The following ATP6V1G2 variants were observed in gnomAD, a reference collection of about 807,000 sequenced individuals.
The protein encoded by ATP6V1G2 is V-type proton ATPase subunit G 2.
A neutral mutation model predicts 17.8 loss-of-function variants in ATP6V1G2; 14 were observed. That is an observed-to-expected ratio of 0.79 (90% CI 0.52 to 1.23). The LOEUF (loss-of-function observed/expected upper bound fraction) is 1.23, where lower values mean the gene tolerates loss of function less well. Ranked by LOEUF, ATP6V1G2 falls within the 50% of genes most tolerant of loss-of-function variation. The pLI is 0.00. For missense variants in ATP6V1G2, 112 were observed against 152.2 expected, an observed-to-expected ratio of 0.74 and a Z score of 1.39; for synonymous variants, 57 against 54.8, an observed-to-expected ratio of 1.04 and a Z score of -0.17.
chr6:31,545,999 A>G lies in ATP6V1G2; in HGVS notation c.183+110T>C. 1 of 1,083,390 alleles carries G rather than the reference A, an allele frequency of 9.2e-7. No individual in the cohort carries two copies. The highest frequency in any genetic ancestry group is 1.4e-6 in the Non-Finnish European group (1 of 704,084). 67.1% of individuals were successfully genotyped at this position (1,083,390 alleles called of 1,614,324 possible). A position where few individuals can be genotyped will look rare whatever the true frequency, so the allele number is the denominator to read the frequency against. On this transcript the variant is annotated intron_variant, in intron 2 of 2. Transcript: ENST00000303892. The surrounding 1 kb of genome is among the most constrained non-coding windows in gnomAD (Gnocchi z 4.9). ...TTGTGGTCCCTGCCAGGGTCCCCTC[A>G]GCCTCAGCCCTCTGCCACCATATTT...
Position 31,546,288 on chromosome 6 carries a change from G to T in ATP6V1G2, c.83-79C>A. On this transcript the variant is annotated intron_variant, in intron 1 of 2. Coordinates refer to ENST00000303892, the MANE Select transcript of ATP6V1G2 (RefSeq NM_130463.4). This position sits in a 1 kb window ranked among gnomAD's most constrained non-coding sequence, Gnocchi z 4.1. ...TAATAGCAGGAGTCAGTCCCTTCCA[G>T]AAAGTTATACAGCCTTCTCTCAGCC... 2 of 1,441,012 alleles carry T rather than the reference G, an allele frequency of 1.4e-6. No homozygotes were observed. The highest frequency in any genetic ancestry group is 9.7e-7 in the Non-Finnish European group (1 of 1,028,764). 89.3% of individuals were successfully genotyped at this position (1,441,012 alleles called of 1,614,324 possible). A position where few individuals can be genotyped will look rare whatever the true frequency, so the allele number is the denominator to read the frequency against.
In ATP6V1G2 at chr6:31,545,662, C is replaced by G; in HGVS notation, c.184-81G>C. On this transcript the variant is annotated intron_variant, in intron 2 of 2. Coordinates refer to ENST00000303892, the MANE Select transcript of ATP6V1G2 (RefSeq NM_130463.4). The surrounding 1 kb of genome is among the most constrained non-coding windows in gnomAD (Gnocchi z 4.9). ...GGTCCAGGCATATGAGGGGAAAGAT[C>G]CTGAAACAAAGCCTAGAAGAAAGGC... The G allele has an allele frequency of 6.9e-7, 1 of 1,457,078 alleles. No individual in the cohort carries two copies. The allele number at this position is 1,457,078 out of a possible 1,614,324, so 90.3% of individuals were successfully genotyped here.
chr6:31,545,458 C>T lies in ATP6V1G2; in HGVS notation c.307G>A (p.Val103Ile), dbSNP rs764825969. ...TGGACCTGGGGCCTGACGTCGCAGACCATGCCAAGAAGCTGGGCCAGGACA... is the reference window on the plus strand; with the variant it reads ...TGGACCTGGGGCCTGACGTCGCAGATCATGCCAAGAAGCTGGGCCAGGACA... ...ERVLAQLLGM[V>I]CDVRPQVHPN... The change falls in exon 3 of 3, where the codon GTC (valine) becomes ATC (isoleucine). Residue 103 changes from valine (V) to isoleucine (I), a missense_variant. Val to Ile is a conservative substitution (Grantham distance 29). Coordinates refer to ENST00000303892, the MANE Select transcript of ATP6V1G2 (RefSeq NM_130463.4). This position sits in a 1 kb window ranked among gnomAD's most constrained non-coding sequence, Gnocchi z 4.9. 6.2e-7 allele frequency: 1 copy of T among 1,614,044 alleles called. No individual in the cohort carries two copies. The highest frequency in any genetic ancestry group is 8.5e-7 in the Non-Finnish European group (1 of 1,179,992).
In ATP6V1G2 at chr6:31,546,091, G is replaced by A. The variant is rs769732049; in HGVS notation, c.183+18C>T. The A allele has an allele frequency of 1.8e-5, 29 of 1,613,314 alleles. No individual in the cohort carries two copies. The highest frequency in any genetic ancestry group is 2.4e-5 in the Non-Finnish European group (28 of 1,179,574). The stretch of plus-strand genomic sequence containing the variant: ...CCAACTTGCAGTGGGGTCTCAACCC[G>A]ACTCTGCCTCAACTCACCGCCTGCT... On this transcript the variant is annotated intron_variant, in intron 2 of 2. Coordinates refer to ENST00000303892, the MANE Select transcript of ATP6V1G2 (RefSeq NM_130463.4). The surrounding 1 kb of genome is among the most constrained non-coding windows in gnomAD (Gnocchi z 4.1).
chr6:31,545,791 G>A lies in ATP6V1G2; in HGVS notation c.184-210C>T. On this transcript the variant is annotated intron_variant, in intron 2 of 2. Transcript: ENST00000303892. This position sits in a 1 kb window ranked among gnomAD's most constrained non-coding sequence, Gnocchi z 4.9. ...TAACATGCAACTTCATCCTAAAACA[G>A]ACCGTAATATCCCCACCACCTCACC... is the stretch of plus-strand genomic sequence containing the variant. 1 of 631,412 alleles carries A rather than the reference G, an allele frequency of 1.6e-6. No individual in the cohort carries two copies. Among genetic ancestry groups the A allele is most frequent in the Non-Finnish European group, 2.7e-6 (1 of 365,350 alleles). The allele number at this position is 631,412 out of a possible 1,614,324, so 39.1% of individuals were successfully genotyped here.
At position 31,545,374 on chromosome 6, in the gene ATP6V1G2, G is replaced by C. The variant is rs146909286; in HGVS notation, c.*34C>G. ...GATTGGAGGATTTCTTTGAGGGAGG[G>C]AACTGGCAGAAGGAGTCAGGCCCTA... is the stretch of plus-strand genomic sequence containing the variant. On this transcript the variant is annotated 3_prime_UTR_variant, in exon 3 of 3. Transcript: ENST00000303892. The surrounding 1 kb of genome is among the most constrained non-coding windows in gnomAD (Gnocchi z 4.9). 2.7e-3 allele frequency: 4,247 copies of C among 1,600,224 alleles called. 7 individuals carry two copies. The highest frequency in any genetic ancestry group is 0.011 in the Middle Eastern group (68 of 6,004).
rs982805204 is a variant in ATP6V1G2 at position 31,545,736 on chromosome 6, G to A, written c.184-155C>T. ...CACAGAAATATCCCAACACCAAAGA[G>A]ATCAACACAGTCCCCTTTCCCCTTA... is the stretch of plus-strand genomic sequence containing the variant. On this transcript the variant is annotated intron_variant, in intron 2 of 2. Transcript: ENST00000303892. This position sits in a 1 kb window ranked among gnomAD's most constrained non-coding sequence, Gnocchi z 4.9. The A allele has an allele frequency of 2.1e-5, 17 of 793,522 alleles. No homozygotes were observed. Among genetic ancestry groups the A allele is most frequent in the Non-Finnish European group, 3.3e-5 (17 of 511,652 alleles). The allele number at this position is 793,522 out of a possible 1,614,324, so 49.2% of individuals were successfully genotyped here.
chr6:31,546,479 CTT>C lies in ATP6V1G2; in HGVS notation c.79_80del (p.Lys27GlufsTer45). 6.2e-7 allele frequency: 1 copy of C among 1,613,866 alleles called. No homozygotes were observed. Among genetic ancestry groups the C allele is most frequent in the Non-Finnish European group, 8.5e-7 (1 of 1,179,820 alleles). ...TAAGGGAGGAAAGAGGAGACTCACT[CTT>C]TCTGGCATCTGCCACCTTCTCAGCT... is the stretch of plus-strand genomic sequence containing the variant. ...RAAEKVADAR[K>X]RKARRLKQAK... On this transcript the variant is annotated frameshift_variant and splice_region_variant, in exon 1 of 3. Transcript: ENST00000303892. LOFTEE classifies it high-confidence loss of function. This position sits in a 1 kb window ranked among gnomAD's most constrained non-coding sequence, Gnocchi z 4.1.
In ATP6V1G2 at chr6:31,546,549, T is replaced by G; in HGVS notation, c.11A>C (p.Gln4Pro). 1 of 1,614,018 alleles carries G rather than the reference T, an allele frequency of 6.2e-7. No individual in the cohort carries two copies. Among genetic ancestry groups the G allele is most frequent in the Non-Finnish European group, 8.5e-7 (1 of 1,179,980 alleles). Reference protein sequence around the residue: MASQSQGIQQLLQA... With the variant: MASPSQGIQQLLQA... The stretch of plus-strand genomic sequence containing the variant: ...CAGAAGCTGCTGGATACCTTGGGAC[T>G]GACTGGCCATTTCTGTTGTTATGGC... The change falls in exon 1 of 3, where the codon CAG becomes CCG. Residue 4 changes from glutamine (Q) to proline (P), a missense_variant. Coordinates refer to ENST00000303892, the MANE Select transcript of ATP6V1G2 (RefSeq NM_130463.4). This position sits in a 1 kb window ranked among gnomAD's most constrained non-coding sequence, Gnocchi z 4.1.
At position 31,546,020 on chromosome 6, in the gene ATP6V1G2, T is replaced by A; in HGVS notation, c.183+89A>T. ...CCTCAGCCTCAGCCCTCTGCCACCA[T>A]ATTTTCTTGTTGAGTCACCCTTACA... On this transcript the variant is annotated intron_variant, in intron 2 of 2. Transcript: ENST00000303892. The surrounding 1 kb of genome is among the most constrained non-coding windows in gnomAD (Gnocchi z 4.1). The A allele has an allele frequency of 7.6e-7, 1 of 1,317,634 alleles. No individual in the cohort carries two copies. Among genetic ancestry groups the A allele is most frequent in the Non-Finnish European group, 1.1e-6 (1 of 910,816 alleles). The allele number at this position is 1,317,634 out of a possible 1,614,324, so 81.6% of individuals were successfully genotyped here. A position where few individuals can be genotyped will look rare whatever the true frequency, so the allele number is the denominator to read the frequency against.
Position 31,544,803 on chromosome 6 carries a change from A to C in ATP6V1G2, c.*605T>G, listed in dbSNP as rs1311941754. The stretch of plus-strand genomic sequence containing the variant: ...AATTTTTCAGAAAATAACTAGGGTC[A>C]CAGAATGAACAAGTGGAATTAGAGA... On this transcript the variant is annotated 3_prime_UTR_variant, in exon 3 of 3. Coordinates refer to ENST00000303892, the MANE Select transcript of ATP6V1G2 (RefSeq NM_130463.4). The C allele has an allele frequency of 4.4e-6, 2 of 455,840 alleles. No individual in the cohort carries two copies. Among genetic ancestry groups the C allele is most frequent in the African/African-American group, 2.0e-5 (1 of 50,012 alleles). The allele number at this position is 455,840 out of a possible 1,614,324, so 28.2% of individuals were successfully genotyped here.
At position 31,545,087 on chromosome 6, in the gene ATP6V1G2, G is replaced by T. The variant is rs1451917264; in HGVS notation, c.*321C>A. 1 of 482,732 alleles carries T rather than the reference G, an allele frequency of 2.1e-6. No individual in the cohort carries two copies. The highest frequency in any genetic ancestry group is 3.7e-5 in the East Asian group (1 of 26,930). 29.9% of individuals were successfully genotyped at this position (482,732 alleles called of 1,614,324 possible). On this transcript the variant is annotated 3_prime_UTR_variant, in exon 3 of 3. Transcript: ENST00000303892. This position sits in a 1 kb window ranked among gnomAD's most constrained non-coding sequence, Gnocchi z 4.9. ...GGTTTCACAGCCAGCAAGTGACAGG[G>T]TCAAGAGAGGGACCCACATCGGCCA... is the stretch of plus-strand genomic sequence containing the variant.
At position 31,545,538 on chromosome 6, in the gene ATP6V1G2, G is replaced by T; in HGVS notation, c.227C>A (p.Ala76Asp). 6.8e-6 allele frequency: 11 copies of T among 1,614,020 alleles called. No individual in the cohort carries two copies. Among genetic ancestry groups the T allele is most frequent in the Non-Finnish European group, 8.5e-6 (10 of 1,179,980 alleles). Residue 76 changes from alanine to aspartate, a missense_variant, in exon 3 of 3, where the codon GCT (alanine) becomes GAT (aspartate). By Grantham distance (126) the Ala-to-Asp change is moderately radical. Transcript: ENST00000303892. The surrounding 1 kb of genome is among the most constrained non-coding windows in gnomAD (Gnocchi z 4.9). ...QGNLSAEVEQ[A>D]TRRQVQGMQS... The stretch of plus-strand genomic sequence containing the variant: ...CATGCCCTGCACCTGGCGCCTTGTA[G>T]CCTGCTCCACCTCAGCAGACAGGTT...
In ATP6V1G2 at chr6:31,546,542, T is replaced by C. The variant is rs777598449; in HGVS notation, c.18A>G (p.Gln6=). 6.2e-7 allele frequency: 1 copy of C among 1,614,078 alleles called. No homozygotes were observed. The highest frequency in any genetic ancestry group is 2.2e-5 in the East Asian group (1 of 44,882). Residue 6 remains glutamine, a synonymous_variant, in exon 1 of 3, where the codon CAA becomes CAG. Transcript: ENST00000303892. The surrounding 1 kb of genome is among the most constrained non-coding windows in gnomAD (Gnocchi z 4.1). ...CAGCTTGCAGAAGCTGCTGGATACC[T>C]TGGGACTGACTGGCCATTTCTGTTG... The part of the protein sequence containing the change: MASQS[Q]GIQQLLQAEK...
chr6:31,545,679 A>G lies in ATP6V1G2; in HGVS notation c.184-98T>C. 7.4e-7 allele frequency: 1 copy of G among 1,354,038 alleles called. No homozygotes were observed. Among genetic ancestry groups the G allele is most frequent in the Non-Finnish European group, 9.9e-7 (1 of 1,009,110 alleles). The allele number at this position is 1,354,038 out of a possible 1,614,324, so 83.9% of individuals were successfully genotyped here. On this transcript the variant is annotated intron_variant, in intron 2 of 2. Transcript: ENST00000303892. This position sits in a 1 kb window ranked among gnomAD's most constrained non-coding sequence, Gnocchi z 4.9. ...GGAAAGATCCTGAAACAAAGCCTAG[A>G]AGAAAGGCCCTCTCAGAAACCACCC... is the stretch of plus-strand genomic sequence containing the variant.
Position 31,546,049 on chromosome 6 carries a change from C to T in ATP6V1G2, c.183+60G>A. 7 of 1,547,514 alleles carry T rather than the reference C, an allele frequency of 4.5e-6. No homozygotes were observed. The highest frequency in any genetic ancestry group is 5.4e-6 in the Non-Finnish European group (6 of 1,119,548). On this transcript the variant is annotated intron_variant, in intron 2 of 2. Transcript: ENST00000303892. The surrounding 1 kb of genome is among the most constrained non-coding windows in gnomAD (Gnocchi z 4.1). ...TTCTTGTTGAGTCACCCTTACACAC[C>T]TCACTAGATGCACCCACCAACTTGC...
At chr6:31,546,645 G>T, upstream of ATP6V1G2, 2 of 1,253,484 alleles carry the variant, frequency 1.6e-6, no homozygotes, top group Non-Finnish European at 2.3e-6. The surrounding 1 kb of genome is among the most constrained non-coding windows in gnomAD (Gnocchi z 4.1). Context: ...TCCTCCTCCA[G>T]CTCGTTGCTG....
Position 31,544,478 on chromosome 6 carries a change from T to C in ATP6V1G2, c.*930A>G, listed in dbSNP as rs140032509. The C allele has an allele frequency of 3.7e-3, 909 of 248,988 alleles. 9 individuals are homozygous for C. The highest frequency in any genetic ancestry group is 0.024 in the Middle Eastern group (14 of 592). The allele number at this position is 248,988 out of a possible 1,614,324, so 15.4% of individuals were successfully genotyped here. On this transcript the variant is annotated 3_prime_UTR_variant, in exon 3 of 3. Coordinates refer to ENST00000303892, the MANE Select transcript of ATP6V1G2 (RefSeq NM_130463.4). ...ACTCACCAATTTATTTGCCAATAATTATTTTATTGATACTTTTTTTATTGT... is the reference window on the plus strand; with the variant it reads ...ACTCACCAATTTATTTGCCAATAATCATTTTATTGATACTTTTTTTATTGT...
At position 31,546,406 on chromosome 6, in the gene ATP6V1G2, TC is replaced by T; in HGVS notation, c.82+71del. ...CTGTCTTCCCGCCAGCCTTGGGTTT[TC>T]CCAAAATGTTTGCTGTCCCCCACCC... On this transcript the variant is annotated intron_variant, in intron 1 of 2. Coordinates refer to ENST00000303892, the MANE Select transcript of ATP6V1G2 (RefSeq NM_130463.4). This position sits in a 1 kb window ranked among gnomAD's most constrained non-coding sequence, Gnocchi z 4.1. 6.6e-7 allele frequency: 1 copy of T among 1,511,936 alleles called. No homozygotes were observed. Among genetic ancestry groups the T allele is most frequent in the Admixed American group, 1.8e-5 (1 of 54,348 alleles). The allele number at this position is 1,511,936 out of a possible 1,614,324, so 93.7% of individuals were successfully genotyped here. A position where few individuals can be genotyped will look rare whatever the true frequency, so the allele number is the denominator to read the frequency against.
Sources: allele counts gnomAD v4.1 joint callset, GRCh38; gene constraint gnomAD v4.1.1; non-coding constraint Gnocchi (gnomAD v3.1); transcripts MANE v1.5; gene names NCBI Gene and HGNC (gene_info 2026-07-23, HGNC 2026-07-21).